FGD3: variants seen among roughly 807,000 people sequenced by gnomAD.
FGD3 encodes the protein FYVE, RhoGEF and PH domain containing 3, also known as FYVE, RhoGEF and PH domain-containing protein 3.
FGD3 carries 45 observed loss-of-function variants against 71.8 expected under a neutral mutation model. The observed-to-expected ratio is 0.63, with a 90% CI of 0.49 to 0.80. The LOEUF is 0.80. Among genes scored for constraint, FGD3 ranks in the 30% least tolerant of loss-of-function variants. The pLI is 0.00. For synonymous variants in FGD3, 378 were observed against 392.8 expected (o/e 0.96, Z 0.44); for missense variants, 844 against 951.5 (o/e 0.89, Z 1.49).
chr9:92,959,303 A>G (rs1859125421), intron 1 of FGD3, among the ~76,000 whole-genome samples: 1 of 151,890 alleles, frequency 6.6e-6, no homozygotes, highest in African/African-American at 2.4e-5. Flanking sequence ...AATGAAAATA[A>G]TTACTATAAT....
chr9:92,964,159 T>C (rs932698756), intron 1 of FGD3: 1 of 152,270 alleles, frequency 6.6e-6, no homozygotes, highest in African/African-American at 2.4e-5. Context: ...TGTTTGCCAT[T>C]GCCCCCGCCA....
At chr9:93,017,601 A>C (rs1421452041) in intron 10 of FGD3, among the ~76,000 whole-genome samples, 1 of 152,082 alleles carries the variant, frequency 6.6e-6, no homozygotes, top group Non-Finnish European at 1.5e-5. Flanking sequence ...CTGCGGTTCT[A>C]TGAAGAAGTG....
At chr9:92,998,800 C>T (rs1395865344) in intron 3 of FGD3, among the ~76,000 whole-genome samples, 1 of 152,186 alleles carries the variant, frequency 6.6e-6, no homozygotes, top group Non-Finnish European at 1.5e-5. Flanking sequence ...TATTGCAGAA[C>T]AGCAAATGTT....
rs1861845542 is a variant in FGD3 at position 93,019,861 on chromosome 9, G to C, written c.1386G>C (p.Gln462His). 1.2e-6 allele frequency: 2 copies of C among 1,614,034 alleles called. No individual in the cohort carries two copies. The highest frequency in any genetic ancestry group is 2.2e-5 in the South Asian group (2 of 91,050). Residue 462 changes from glutamine (Q) to histidine (H), a missense_variant and splice_region_variant, in exon 12 of 18, where the codon CAG (glutamine) becomes CAC (histidine). Transcript: ENST00000375482. ...RTEEEKKEWI[Q>H]IIQATIEKHK... The stretch of plus-strand genomic sequence containing the variant: ...AGGAAGAGAAGAAAGAATGGATTCA[G>C]GTGAAGCTTCTAAAGTTGTAAAGTA...
At chr9:92,976,841 G>A in intron 3 of FGD3, 132 bp downstream of exon 3, 1 of 1,039,154 alleles carries the variant, frequency 9.6e-7, no homozygotes, top group Non-Finnish European at 1.4e-6. Flanking sequence ...TGTGTGCAAG[G>A]GGAGGTCCTG....
At chr9:93,005,710 C>T (rs1182511117) in intron 5 of FGD3, among the ~76,000 whole-genome samples, 1 of 152,220 alleles carries the variant, frequency 6.6e-6, no homozygotes, top group African/African-American at 2.4e-5. Flanking sequence ...TGTTGGTTCT[C>T]TTTGATAACT....
At chr9:92,955,404 T>C (rs1051844352) in intron 1 of FGD3, among the ~76,000 whole-genome samples, 22 of 151,930 alleles carry the variant, frequency 1.4e-4, no homozygotes, top group Non-Finnish European at 3.2e-4. Flanking sequence ...GGCATGGTGG[T>C]GCATGCCTGT....
At chr9:92,987,704 T>A (rs879836571) in intron 3 of FGD3, among the ~76,000 whole-genome samples, 1 of 152,204 alleles carries the variant, frequency 6.6e-6, no homozygotes, top group Admixed American at 6.5e-5. Context: ...TGTGGTGGGC[T>A]GTCTGCATGC....
chr9:93,019,813 A>G lies in FGD3; in HGVS notation c.1356-18A>G, dbSNP rs1861844165. ...GTATCCAAGACTGGATTAATACAAG[A>G]CCGTTTTGGTTTTTTAGGACAGAGG... On this transcript the variant is annotated intron_variant, in intron 11 of 17. Coordinates refer to ENST00000375482, the MANE Select transcript of FGD3 (RefSeq NM_001083536.2). 1 of 1,613,164 alleles carries G rather than the reference A, an allele frequency of 6.2e-7. No individual in the cohort carries two copies.
rs1414065353 is a variant in FGD3, at chr9:93,035,871, C to T, written c.*282C>T. 9 of 416,064 alleles carry T rather than the reference C, an allele frequency of 2.2e-5. No individual in the cohort carries two copies. Among genetic ancestry groups the T allele is most frequent in the East Asian group, 4.1e-5 (1 of 24,668 alleles). 25.8% of individuals were successfully genotyped at this position (416,064 alleles called of 1,614,324 possible). On this transcript the variant is annotated 3_prime_UTR_variant, in exon 18 of 18. Coordinates refer to ENST00000375482, the MANE Select transcript of FGD3 (RefSeq NM_001083536.2). ...CAAAGTAACCATCATCCATATGGGC[C>T]GTGTGGTGATGCTGGCCCGGAAGGC... is the stretch of plus-strand genomic sequence containing the variant.
intron 3 of FGD3, among the ~76,000 whole-genome samples, chr9:92,977,694 A>G (rs963396036): frequency 1.3e-5 from 2 of 152,104 alleles, no homozygotes; most frequent in African/African-American, 4.8e-5. Flanking sequence ...ATGTCACACC[A>G]CACCGTGAGG....
At chr9:92,958,441 A>C (rs775416662) in intron 1 of FGD3, among the ~76,000 whole-genome samples, 2 of 152,244 alleles carry the variant, frequency 1.3e-5, no homozygotes, top group Non-Finnish European at 2.9e-5. Context: ...GACATTTGTT[A>C]CAATTGATGA....
chr9:92,986,860 C>T (rs2118628050), intron 3 of FGD3, among the ~76,000 whole-genome samples: 1 of 152,316 alleles, frequency 6.6e-6, no homozygotes. Context: ...GGTTAGAGGT[C>T]ATCCGAGCTG....
chr9:92,974,957 C>T (rs865972134), intron 1 of FGD3, among the ~76,000 whole-genome samples: 1 of 152,204 alleles, frequency 6.6e-6, no homozygotes, highest in Non-Finnish European at 1.5e-5. Context: ...TGGCAAGGGA[C>T]AAGCTCAGCC....
At position 93,035,548 on chromosome 9, in the gene FGD3, G is replaced by A. The variant is rs1193274419; in HGVS notation, c.2137G>A (p.Ala713Thr). Residue 713 changes from alanine (A) to threonine (T), a missense_variant, in exon 18 of 18, where the codon GCC becomes ACC. Transcript: ENST00000375482. ...HGDTAQDSPG[A>T]LQLQVPMGAA... ...GGACACGGCCCAGGACAGCCCGGGG[G>A]CCCTGCAGCTTCAGGTCCCTATGGG... 14 of 1,604,586 alleles carry A rather than the reference G, an allele frequency of 8.7e-6. No homozygotes were observed. Among genetic ancestry groups the A allele is most frequent in the Non-Finnish European group, 1.2e-5 (14 of 1,177,446 alleles).
intron 3 of FGD3, among the ~76,000 whole-genome samples, chr9:92,993,764 C>T (rs1860515471): frequency 6.6e-6 from 1 of 152,152 alleles, no homozygotes. Context: ...TGGTTTCCAG[C>T]TTCATCCATG....
At chr9:92,949,703 G>A (rs1159032680) in intron 1 of FGD3, among the ~76,000 whole-genome samples, 1 of 152,192 alleles carries the variant, frequency 6.6e-6, no homozygotes, top group African/African-American at 2.4e-5. Context: ...TATCTGTGTG[G>A]TCCAAGAAGA....
At chr9:92,995,588 T>C (rs1244778586) in intron 3 of FGD3, among the ~76,000 whole-genome samples, 2 of 152,198 alleles carry the variant, frequency 1.3e-5, no homozygotes, top group African/African-American at 4.8e-5. Context: ...TTTTGCTCAT[T>C]CAGTATGATA....
chr9:93,004,117 G>T lies in FGD3; in HGVS notation c.660G>T (p.Lys220Asn), dbSNP rs1445457692. Reference protein sequence around the residue: ...FHGQFLLPELKTRITEEWDTN... With the variant: ...FHGQFLLPELNTRITEEWDTN... ...GGCAGTTCCTGCTGCCGGAGCTGAA[G>T]ACGCGGATCACGGAGGAGTGGTGAG... Residue 220 changes from lysine (K) to asparagine (N), a missense_variant, in exon 5 of 18, where the codon AAG (lysine) becomes AAT (asparagine). Coordinates refer to ENST00000375482, the MANE Select transcript of FGD3 (RefSeq NM_001083536.2). The T allele has an allele frequency of 1.2e-6, 2 of 1,614,068 alleles. No homozygotes were observed. Among genetic ancestry groups the T allele is most frequent in the Admixed American group, 3.3e-5 (2 of 60,036 alleles).
Sources: allele counts gnomAD v4.1 joint callset (sites outside exome capture counted in the v4.1 genomes callset), GRCh38; gene constraint gnomAD v4.1.1; transcripts MANE v1.5; gene names NCBI Gene and HGNC (gene_info 2026-07-23, HGNC 2026-07-21).